TLE2: variants seen among roughly 807,000 people sequenced by gnomAD.
TLE2 encodes the protein transducin-like enhancer protein 2.
A neutral mutation model predicts 97.2 loss-of-function variants in TLE2; 74 were observed. The ratio of observed to expected loss-of-function variants is 0.76; its 90% CI spans 0.63 to 0.92. The LOEUF (loss-of-function observed/expected upper bound fraction) is 0.92. TLE2 is among the 40% of genes least tolerant of loss of function. The pLI is 0.00. For missense variants in TLE2, 1,038 were observed against 1,008.7 expected (o/e 1.03, Z -0.39); for synonymous variants, 499 against 432.1 (o/e 1.15, Z -1.92).
At chr19:3,009,971 G>A (rs1218774933) in intron 12 of TLE2, among the ~76,000 whole-genome samples, 1 of 151,122 alleles carries the variant, frequency 6.6e-6, no homozygotes. Context: ...TGAAACCTCT[G>A]CCTCCTGGGT....
At chr19:3,006,906 C>A (rs1461405154) in intron 14 of TLE2, among the ~76,000 whole-genome samples, 4 of 152,104 alleles carry the variant, frequency 2.6e-5, no homozygotes, top group Non-Finnish European at 5.9e-5. Flanking sequence ...CCTCAACCTC[C>A]CGAGTAGCTG....
upstream of TLE2, among the ~76,000 whole-genome samples, chr19:3,031,342 TTGTGTGTGTGTGTGTGTGTG>T (rs60898410): frequency 1.7e-3 from 232 of 140,002 alleles, no homozygotes; most frequent in African/African-American, 5.6e-3. Context: ...AAAGATACAA[TTGTGTGTGTGTGTGTGTGTG>T]TGTGTGTGTG....
chr19:3,039,027 G>A (rs1301705140), intron 1 of TLE2, among the ~76,000 whole-genome samples: 7 of 147,598 alleles, frequency 4.7e-5, no homozygotes, highest in African/African-American at 1.8e-4. Flanking sequence ...TGGGCAACAA[G>A]AGCAAAACCA....
chr19:3,004,854 C>G (rs915284000), intron 17 of TLE2, among the ~76,000 whole-genome samples: 7 of 152,116 alleles, frequency 4.6e-5, no homozygotes, highest in African/African-American at 1.7e-4. Flanking sequence ...AAGGAGCTCA[C>G]AGCTGCCCCC....
intron 10 of TLE2, among the ~76,000 whole-genome samples, 174 bp from the exon 11 acceptor site, chr19:3,013,992 T>C (rs1360842828): frequency 6.6e-6 from 1 of 151,898 alleles, no homozygotes; most frequent in African/African-American, 2.4e-5. Context: ...AAATGTATTT[T>C]TTTTTTTTTT....
intron 19 of TLE2, among the ~76,000 whole-genome samples, chr19:2,998,713 G>A (rs1034420958): frequency 2.0e-5 from 3 of 152,162 alleles, no homozygotes; most frequent in African/African-American, 4.8e-5. Flanking sequence ...GCGCCCGGCA[G>A]AGCGACTTGT....
chr19:3,028,251 C>A, intron 3 of TLE2, 68 bp downstream of exon 3: 2 of 1,499,510 alleles, frequency 1.3e-6, no homozygotes, highest in South Asian at 2.4e-5. Context: ...GGGACCTACC[C>A]CAGAGTCCAC....
intron 14 of TLE2, 131 bp downstream of exon 14, chr19:3,008,738 A>G: frequency 1.6e-6 from 1 of 623,150 alleles, no homozygotes; most frequent in Non-Finnish European, 2.5e-6. Context: ...GGAGTGAACC[A>G]CTGTGCCCGG....
At chr19:3,034,694 C>A (rs906176549) in intron 1 of TLE2, among the ~76,000 whole-genome samples, 1 of 151,974 alleles carries the variant, frequency 6.6e-6, no homozygotes, top group East Asian at 1.9e-4. Context: ...CGTACACACA[C>A]ACACACACAT....
At chr19:3,020,391 G>A (rs976620997) in intron 5 of TLE2, 1 of 151,926 alleles carries the variant, frequency 6.6e-6, no homozygotes, top group Non-Finnish European at 1.5e-5. Context: ...TCCATGCCAG[G>A]GGCACCCCCA....
intron 17 of TLE2, among the ~76,000 whole-genome samples, chr19:3,004,111 T>C (rs924858574): frequency 2.6e-5 from 4 of 152,164 alleles, no homozygotes; most frequent in Admixed American, 2.6e-4. Context: ...ACTAACAAGA[T>C]GCCTGTGGAA....
exon 1 of TLE2, chr19:3,045,734 C>T (rs1327302586): frequency 2.2e-6 from 1 of 448,788 alleles, no homozygotes; most frequent in South Asian, 1.6e-5. Context: ...GCCTGTAATC[C>T]TGAAGCAGGA....
chr19:2,998,278 A>AGTGTGTGTGTG (rs1568227433), intron 19 of TLE2, among the ~76,000 whole-genome samples: 1 of 106,702 alleles, frequency 9.4e-6, no homozygotes, highest in African/African-American at 4.2e-5. Context: ...TGTGTGTGTA[A>AGTGTGTGTGTG]TTTTTTTTTT....
Position 3,013,816 on chromosome 19 carries a change from G to T in TLE2, c.726C>A (p.Asp242Glu). The change falls in exon 11 of 20, where the codon GAC (aspartate) becomes GAA (glutamate). Residue 242 changes from aspartate (D) to glutamate (E), a missense_variant and splice_region_variant. Physicochemically the swap from Asp to Glu is conservative, Grantham distance 45. Coordinates refer to ENST00000262953, the MANE Select transcript of TLE2 (RefSeq NM_003260.5). ...CCGGGCTGGGGGGCTCTGAGGGTTG[G>T]TCCTGGGTTTGAGGAGGTGACGTTG... ...KSDYNLVVDE[D>E]QPSEPPSPAT... The T allele has an allele frequency of 6.5e-7, 1 of 1,537,654 alleles. No individual in the cohort carries two copies. Among genetic ancestry groups the T allele is most frequent in the Non-Finnish European group, 8.7e-7 (1 of 1,147,948 alleles).
chr19:3,017,432 G>GTTTTT (rs773353073), intron 8 of TLE2, among the ~76,000 whole-genome samples: 1 of 140,538 alleles, frequency 7.1e-6, no homozygotes. Flanking sequence ...ACCTGGCCTG[G>GTTTTT]TTTTTTTTTT....
rs1491389852 is a variant in TLE2 at position 3,021,089 on chromosome 19, A to AAAC, written c.295-1317_295-1316insGTT. Among the ~76,000 whole-genome samples, 36 of 29,268 alleles carry AAAC rather than the reference A, an allele frequency of 1.2e-3. 2 individuals carry two copies. The highest frequency in any genetic ancestry group is 1.7e-3 in the African/African-American group (10 of 5,866). 19.2% of individuals were successfully genotyped at this position (29,268 alleles called of 152,430 possible). On this transcript the variant is annotated intron_variant, in intron 5 of 19. Transcript: ENST00000262953. Reference sequence around the variant, plus strand: ...GGGAGACAGAGTGAGACCCAGTCTCAAAAAAAAAAAAAAAAAAAAAAAAAA... The same window carrying AAAC: ...GGGAGACAGAGTGAGACCCAGTCTCAAACAAAAAAAAAAAAAAAAAAAAAAAAA...
At chr19:3,000,134 C>T (rs919298822) in intron 19 of TLE2, among the ~76,000 whole-genome samples, 6 of 151,378 alleles carry the variant, frequency 4.0e-5, no homozygotes, top group South Asian at 2.1e-4. Context: ...TGCAGTGGTG[C>T]GATCTCAGCT....
intron 8 of TLE2, among the ~76,000 whole-genome samples, chr19:3,016,889 C>T (rs953364550): frequency 6.6e-6 from 1 of 151,736 alleles, no homozygotes; most frequent in Admixed American, 6.6e-5. Flanking sequence ...CGCCATTCTT[C>T]TGCCTCAGCC....
At chr19:3,024,348 C>T (rs1451196717) in intron 5 of TLE2, among the ~76,000 whole-genome samples, 1 of 151,972 alleles carries the variant, frequency 6.6e-6, no homozygotes, top group Non-Finnish European at 1.5e-5. Flanking sequence ...CACAGCTCAG[C>T]AGCATAAAGC....
Sources: allele counts gnomAD v4.1 joint callset (sites outside exome capture counted in the v4.1 genomes callset), GRCh38; gene constraint gnomAD v4.1.1; transcripts MANE v1.5; gene names NCBI Gene and HGNC (gene_info 2026-07-23, HGNC 2026-07-21).